CSPG4: variants seen among roughly 807,000 people sequenced by gnomAD.
The protein encoded by CSPG4 is chondroitin sulfate proteoglycan 4 (melanoma-associated).
A neutral mutation model predicts 139.3 loss-of-function variants in CSPG4; 74 were observed. The ratio of observed to expected loss-of-function variants is 0.53; its 90% CI spans 0.44 to 0.64. CSPG4 has a LOEUF of 0.64. Among genes scored for constraint, CSPG4 ranks in the 30% least tolerant of loss-of-function variants. CSPG4 has a pLI of 0.00. For synonymous variants in CSPG4, 1,234 were observed against 1,394.2 expected (o/e 0.89, Z 2.56); for missense variants, 2,565 against 3,148.3 (o/e 0.81, Z 4.43).
Position 75,688,938 on chromosome 15 carries a change from AAAC to A in CSPG4, c.2124_2126del (p.Gln708_Phe709delinsHis). The A allele has an allele frequency of 1.2e-6, 2 of 1,612,424 alleles. No individual in the cohort carries two copies. The highest frequency in any genetic ancestry group is 1.7e-6 in the Non-Finnish European group (2 of 1,179,992). ...CTGCCCCCTGCTTCTGCAGCTCCCC[AAAC>A]TGCAGGGCCCCAGTGACGCGGAACA... On this transcript the variant is annotated inframe_deletion, in exon 3 of 10. Coordinates refer to ENST00000308508, the MANE Select transcript of CSPG4 (RefSeq NM_001897.5).
chr15:75,700,991 C>A (rs1002260276), intron 1 of CSPG4, among the ~76,000 whole-genome samples: 1 of 152,178 alleles, frequency 6.6e-6, no homozygotes, highest in Admixed American at 6.5e-5. Flanking sequence ...ACACCCCCAG[C>A]ACACACACAG....
rs1192683492 is a variant in CSPG4, at chr15:75,687,797, G to A, written c.3268C>T (p.Arg1090Ter). Reference protein sequence around the residue: ...RFTQEDLRKRRVLFVHSGADR... With the variant: ...RFTQEDLRKR ...GCCCCTGAGTGCACGAACAGTACTC[G>A]CCTCTTCCTGAGGTCCTCCTGGGTG... The change falls in exon 3 of 10, where the codon CGA becomes TGA. Residue 1090 changes from arginine to a stop codon, truncating the protein, a stop_gained. Transcript: ENST00000308508. LOFTEE classifies it high-confidence loss of function. This position sits in a 1 kb window ranked among gnomAD's most constrained non-coding sequence, Gnocchi z 5.4. 1.2e-6 allele frequency: 2 copies of A among 1,612,806 alleles called. No homozygotes were observed. Among genetic ancestry groups the A allele is most frequent in the African/African-American group, 1.3e-5 (1 of 74,946 alleles).
In CSPG4 at chr15:75,677,826, G is replaced by C. The variant is rs1424906410; in HGVS notation, c.5011C>G (p.His1671Asp). The change falls in exon 9 of 10, where the codon CAT (histidine) becomes GAT (aspartate). Residue 1671 changes from histidine (H) to aspartate (D), a missense_variant. Coordinates refer to ENST00000308508, the MANE Select transcript of CSPG4 (RefSeq NM_001897.5). ...EMPPEPFWEAHDTLELQLSSP... is the reference protein window; with the variant it reads ...EMPPEPFWEADDTLELQLSSP... ...GACAGCTGGAGCTCTAGGGTATCATGGGCCTCCCAAAAGGGCTCGGGGGGC... is the reference window on the plus strand; with the variant it reads ...GACAGCTGGAGCTCTAGGGTATCATCGGCCTCCCAAAAGGGCTCGGGGGGC... The C allele has an allele frequency of 6.2e-7, 1 of 1,612,740 alleles. No individual in the cohort carries two copies. Among genetic ancestry groups the C allele is most frequent in the Non-Finnish European group, 8.5e-7 (1 of 1,179,426 alleles).
chr15:75,689,031 G>A lies in CSPG4; in HGVS notation c.2034C>T (p.Ala678=). 3.1e-6 allele frequency: 5 copies of A among 1,611,880 alleles called. No individual in the cohort carries two copies. The highest frequency in any genetic ancestry group is 4.2e-6 in the Non-Finnish European group (5 of 1,179,992). Residue 678 remains alanine, a synonymous_variant, in exon 3 of 10, where the codon GCC becomes GCT. Transcript: ENST00000308508. ...ACAGGTTGGCGGGCAAGATGGGCAT[G>A]GCAGAGCCTTGGGCCAGTCGCAACC... ...STGLRLAQGS[A]MPILPANLSV...
chr15:75,695,977 G>A (rs934524492), intron 1 of CSPG4, among the ~76,000 whole-genome samples: 5 of 152,256 alleles, frequency 3.3e-5, no homozygotes, highest in South Asian at 2.1e-4. Flanking sequence ...TGACTGGGGC[G>A]GGGGGATGGA....
intron 2 of CSPG4, among the ~76,000 whole-genome samples, chr15:75,692,312 G>C (rs1164309117): frequency 6.6e-6 from 1 of 152,188 alleles, no homozygotes. Context: ...TAGAGATGGG[G>C]ACTCATTGTG....
chr15:75,712,577 G>A lies in CSPG4; in HGVS notation c.88+91C>T, dbSNP rs1239555130. The A allele has an allele frequency of 3.2e-6, 4 of 1,261,904 alleles. No homozygotes were observed. The East Asian group carries it at 1.0e-4, about 33-fold the overall frequency. 78.2% of individuals were successfully genotyped at this position (1,261,904 alleles called of 1,614,324 possible). ...AGCCTGCTTGACTCCCGATCTGGGG[G>A]CCACTTCTGGCTCCTCCTGTCCCTT... On this transcript the variant is annotated intron_variant, in intron 1 of 9. Transcript: ENST00000308508.
chr15:75,682,218 C>T, intron 8 of CSPG4, 75 bp downstream of exon 8: 1 of 1,550,470 alleles, frequency 6.4e-7, no homozygotes, highest in East Asian at 2.2e-5. Context: ...CATCCATGTC[C>T]ACATGATGTC....
Position 75,685,402 on chromosome 15 carries a change from T to C in CSPG4, c.4089A>G (p.Gln1363=), listed in dbSNP as rs763119803. The C allele has an allele frequency of 1.9e-6, 3 of 1,611,810 alleles. No homozygotes were observed. Among genetic ancestry groups the C allele is most frequent in the Non-Finnish European group, 2.5e-6 (3 of 1,179,678 alleles). ...TGCCACCCTCAGGGACGCTGAAGTT[T>C]TGCGCCTCTAGTGGGATGGCAGCGG... ...VLPAAIPLEA[Q]NFSVPEGGSL... is the part of the protein sequence containing the mutation. The change falls in exon 4 of 10, where the codon CAA becomes CAG. Residue 1363 remains glutamine (Q), a synonymous_variant. Transcript: ENST00000308508.
chr15:75,680,995 G>A (rs1893967111), intron 8 of CSPG4, among the ~76,000 whole-genome samples: 1 of 152,176 alleles, frequency 6.6e-6, no homozygotes, highest in Non-Finnish European at 1.5e-5. Context: ...GAGTAACGTG[G>A]GACTATAAAG....
intron 1 of CSPG4, among the ~76,000 whole-genome samples, chr15:75,702,342 C>A (rs1377363218): frequency 2.6e-5 from 4 of 152,272 alleles, no homozygotes; most frequent in Non-Finnish European, 4.4e-5. Context: ...TCCTGTCCAC[C>A]TGTGAAATGT....
chr15:75,699,176 G>A (rs900486802), intron 1 of CSPG4, among the ~76,000 whole-genome samples: 3 of 152,208 alleles, frequency 2.0e-5, no homozygotes, highest in African/African-American at 7.2e-5. Context: ...CATCATCTCA[G>A]GAGACACTGC....
intron 8 of CSPG4, chr15:75,678,998 C>A: frequency 2.9e-6 from 1 of 342,444 alleles, no homozygotes; most frequent in Non-Finnish European, 5.7e-6. Flanking sequence ...CTCCTCTTCT[C>A]CCCAACATCT....
intron 1 of CSPG4, among the ~76,000 whole-genome samples, chr15:75,701,609 C>T (rs889664326): frequency 3.3e-5 from 5 of 152,136 alleles, no homozygotes; most frequent in African/African-American, 7.2e-5. Flanking sequence ...CTGTGCCCAC[C>T]GCCACCACAC....
intron 8 of CSPG4, among the ~76,000 whole-genome samples, chr15:75,681,917 T>G (rs939777840): frequency 9.9e-5 from 15 of 152,114 alleles, no homozygotes; most frequent in Admixed American, 2.6e-4. Flanking sequence ...CACGTCCAAC[T>G]CCATCCCCCA....
In CSPG4 at chr15:75,692,502, G is replaced by T. The variant is rs542468636; in HGVS notation, c.252+568C>A. ...ACTCAAAAAAGCCACAAGACTCCTTGCTAACAAAGCTTGTGGTGTCTTGAA... is the reference window on the plus strand; with the variant it reads ...ACTCAAAAAAGCCACAAGACTCCTTTCTAACAAAGCTTGTGGTGTCTTGAA... On this transcript the variant is annotated intron_variant, in intron 2 of 9. Transcript: ENST00000308508. Among the ~76,000 whole-genome samples the T allele has an allele frequency of 2.6e-5, 4 of 152,358 alleles. No homozygotes were observed. In the South Asian group the frequency reaches 6.2e-4, roughly 24 times the overall value.
rs552233480 is a variant in CSPG4 at position 75,698,500 on chromosome 15, G to A, written c.89-5267C>T. The stretch of plus-strand genomic sequence containing the variant: ...CAAGGGACTCCCCGATTTTACTTCC[G>A]CCACCAATCTACTTCCAACCAAGCA... On this transcript the variant is annotated intron_variant, in intron 1 of 9. Transcript: ENST00000308508. This position sits in a 1 kb window ranked among gnomAD's most constrained non-coding sequence, Gnocchi z 4.3. Among the ~76,000 whole-genome samples, 2 of 151,918 alleles carry A rather than the reference G, an allele frequency of 1.3e-5. No individual in the cohort carries two copies. The highest frequency in any genetic ancestry group is 4.2e-4 in the South Asian group (2 of 4,802).
intron 1 of CSPG4, among the ~76,000 whole-genome samples, chr15:75,708,646 T>C (rs1596014988): frequency 6.6e-6 from 1 of 152,126 alleles, no homozygotes; most frequent in African/African-American, 2.4e-5. Flanking sequence ...GCTGTTGGGG[T>C]GAGTGAGAAC....
rs1041999554 is a variant in CSPG4, at chr15:75,698,328, G to C, written c.89-5095C>G. On this transcript the variant is annotated intron_variant, in intron 1 of 9. Coordinates refer to ENST00000308508, the MANE Select transcript of CSPG4 (RefSeq NM_001897.5). The surrounding 1 kb of genome is among the most constrained non-coding windows in gnomAD (Gnocchi z 4.3). ...CATAGGTGTGTATGTGGTGGGGCGG[G>C]GGGTGGTCGTGGCCCACCTGGGGGC... is the stretch of plus-strand genomic sequence containing the variant. 2.6e-5 allele frequency among the ~76,000 whole-genome samples: 4 copies of C among 151,688 alleles called. No individual in the cohort carries two copies. The highest frequency in any genetic ancestry group is 4.8e-5 in the African/African-American group (2 of 41,254).
Sources: gnomAD v4.1 joint callset for allele counts (sites outside exome capture counted in the v4.1 genomes callset) on GRCh38, gnomAD v4.1.1 for gene constraint, Gnocchi (gnomAD v3.1) non-coding constraint, MANE v1.5 for transcripts, NCBI Gene and HGNC (gene_info 2026-07-23, HGNC 2026-07-21) for gene names.